The following CALU variants were observed in gnomAD, a reference collection of about 807,000 sequenced individuals.
CALU encodes calumenin.
CALU carries 13 observed loss-of-function variants against 37.5 expected under a neutral mutation model. The observed-to-expected ratio is 0.35, with a 90% CI of 0.23 to 0.55. The LOEUF (loss-of-function observed/expected upper bound fraction) is 0.55. Among genes scored for constraint, CALU ranks in the 20% least tolerant of loss-of-function variants. The pLI, the probability that CALU is intolerant of heterozygous loss-of-function variation, is 0.89. For missense variants in CALU, 282 were observed against 391.7 expected, an observed-to-expected ratio of 0.72 and a Z score of 2.36; for synonymous variants, 114 against 133.8, an observed-to-expected ratio of 0.85 and a Z score of 1.02.
chr7:128,764,198 C>T (rs1283246426), intron 5 of CALU, among the ~76,000 whole-genome samples: 1 of 152,028 alleles, frequency 6.6e-6, no homozygotes. Flanking sequence ...GAGGCTGAGG[C>T]AGGTGAATCA....
At chr7:128,756,079 C>A (rs1445842770) in intron 3 of CALU, among the ~76,000 whole-genome samples, 1 of 152,170 alleles carries the variant, frequency 6.6e-6, no homozygotes, top group Non-Finnish European at 1.5e-5. Context: ...TATCCTTCAC[C>A]CAATTAAGAA....
At chr7:128,759,357 A>G (rs1801011340) in intron 4 of CALU, among the ~76,000 whole-genome samples, 1 of 152,336 alleles carries the variant, frequency 6.6e-6, no homozygotes, top group Non-Finnish European at 1.5e-5. Context: ...CCCATGACCA[A>G]TAGTCAGACA....
chr7:128,761,818 G>A (rs1019652135), intron 5 of CALU, among the ~76,000 whole-genome samples: 2 of 152,176 alleles, frequency 1.3e-5, no homozygotes, highest in Non-Finnish European at 2.9e-5. Flanking sequence ...AAGCCTGAAA[G>A]GAAGACTTAA....
chr7:128,745,977 C>T (rs1268106617), intron 1 of CALU, among the ~76,000 whole-genome samples: 1 of 152,190 alleles, frequency 6.6e-6, no homozygotes, highest in Non-Finnish European at 1.5e-5. Context: ...TGTCTTTGCA[C>T]ACCATTTATG....
Position 128,771,858 on chromosome 7 carries a change from GA to G in CALU, c.*2693del, listed in dbSNP as rs1230004229. On this transcript the variant is annotated 3_prime_UTR_variant, in exon 7 of 7. Transcript: ENST00000249364. ...ATTAAAACATGCAAATTCATTTTGA[GA>G]ACCTCGAGAGAATTAAACTATTAAC... The G allele has an allele frequency of 2.0e-5, 3 of 152,302 alleles. No individual in the cohort carries two copies. Among genetic ancestry groups the G allele is most frequent in the Non-Finnish European group, 2.9e-5 (2 of 68,162 alleles). The allele number at this position is 152,302 out of a possible 1,614,324, so 9.4% of individuals were successfully genotyped here. A position where few individuals can be genotyped will look rare whatever the true frequency, so the allele number is the denominator to read the frequency against.
At chr7:128,741,082 T>C (rs945936371) in intron 1 of CALU, among the ~76,000 whole-genome samples, 1 of 152,142 alleles carries the variant, frequency 6.6e-6, no homozygotes, top group African/African-American at 2.4e-5. Context: ...ACCAGGGATA[T>C]TGAAAGGACA....
intron 1 of CALU, among the ~76,000 whole-genome samples, chr7:128,740,326 A>G (rs1800186033): frequency 6.6e-6 from 1 of 152,168 alleles, no homozygotes; most frequent in African/African-American, 2.4e-5. Context: ...AGTTGCGTTC[A>G]TTTTCTGGTG....
rs945414933 is a variant in CALU at position 128,773,317 on chromosome 7, G to A, written c.*4150G>A. Among the ~76,000 whole-genome samples the A allele has an allele frequency of 4.6e-5, 7 of 152,164 alleles. No individual in the cohort carries two copies. The highest frequency in any genetic ancestry group is 1.7e-4 in the African/African-American group (7 of 41,436). On this transcript the variant is annotated 3_prime_UTR_variant, in exon 7 of 7. Transcript: ENST00000249364. ...TTTATTTAAGTTCCAGGATACATGT[G>A]CAGGATGTGCAGGTTTGTTACATAG...
rs1801474024 is a variant in CALU at position 128,769,434 on chromosome 7, T to A, written c.*267T>A. ...TAACATGGCGTGTTTATTTTTGTAT[T>A]TTTCTCTGGTTGGGAGTATGATATG... is the stretch of plus-strand genomic sequence containing the variant. On this transcript the variant is annotated 3_prime_UTR_variant, in exon 7 of 7. Transcript: ENST00000249364. 8.9e-6 allele frequency: 2 copies of A among 223,958 alleles called. No individual in the cohort carries two copies. The highest frequency in any genetic ancestry group is 1.8e-5 in the Non-Finnish European group (2 of 112,824). 13.9% of individuals were successfully genotyped at this position (223,958 alleles called of 1,614,324 possible). A position where few individuals can be genotyped will look rare whatever the true frequency, so the allele number is the denominator to read the frequency against.
At chr7:128,754,852 A>G in intron 3 of CALU, 4 of 443,328 alleles carry the variant, frequency 9.0e-6, no homozygotes, top group Non-Finnish European at 1.6e-5. Flanking sequence ...CCCTTTATTA[A>G]TTTTAAATTT....
intron 3 of CALU, 84 bp downstream of exon 3, chr7:128,754,539 G>A: frequency 1.3e-6 from 2 of 1,568,048 alleles, no homozygotes; most frequent in Non-Finnish European, 1.7e-6. Flanking sequence ...AATGATTGTA[G>A]ATAAAATAGA....
intron 2 of CALU, among the ~76,000 whole-genome samples, chr7:128,750,220 C>CAAAAAAAA (rs398006225): frequency 3.1e-4 from 23 of 75,002 alleles, no homozygotes; most frequent in South Asian, 4.1e-4. Context: ...AGAGCCATCT[C>CAAAAAAAA]AAAAAAAAAA....
intron 1 of CALU, among the ~76,000 whole-genome samples, chr7:128,740,210 C>CTTTT (rs1215015136): frequency 6.6e-6 from 1 of 152,184 alleles, no homozygotes; most frequent in Non-Finnish European, 1.5e-5. Flanking sequence ...TCAAAAGCTG[C>CTTTT]TTTTGCATCA....
rs1801469296 is a variant in CALU, at chr7:128,769,344, T to A, written c.*177T>A. On this transcript the variant is annotated 3_prime_UTR_variant, in exon 7 of 7. Coordinates refer to ENST00000249364, the MANE Select transcript of CALU (RefSeq NM_001219.5). ...TCTCTGAGGGACTGGAGGGAAGCCG[T>A]GCTTCTGAGGAACAACTCTAATTAG... 1 of 506,462 alleles carries A rather than the reference T, an allele frequency of 2.0e-6. No homozygotes were observed. Among genetic ancestry groups the A allele is most frequent in the Non-Finnish European group, 3.5e-6 (1 of 283,512 alleles). The allele number at this position is 506,462 out of a possible 1,614,324, so 31.4% of individuals were successfully genotyped here.
Position 128,772,531 on chromosome 7 carries a change from A to G in CALU, c.*3364A>G. ...TTCTAGCTGTTGCAAACAGGCCAAT[A>G]TTGGGTCCTCAGTTGGGGCCAACTT... is the stretch of plus-strand genomic sequence containing the variant. On this transcript the variant is annotated 3_prime_UTR_variant, in exon 7 of 7. Coordinates refer to ENST00000249364, the MANE Select transcript of CALU (RefSeq NM_001219.5). 1 of 1,614,142 alleles carries G rather than the reference A, an allele frequency of 6.2e-7. No individual in the cohort carries two copies. Among genetic ancestry groups the G allele is most frequent in the Non-Finnish European group, 8.5e-7 (1 of 1,179,988 alleles).
rs1462400820 is a variant in CALU, at chr7:128,754,782, G to A, written c.415+327G>A. The A allele has an allele frequency of 1.9e-5, 19 of 1,007,814 alleles. No individual in the cohort carries two copies. In the East Asian group the frequency reaches 4.5e-4, roughly 24 times the overall value. The allele number at this position is 1,007,814 out of a possible 1,614,324, so 62.4% of individuals were successfully genotyped here. A position where few individuals can be genotyped will look rare whatever the true frequency, so the allele number is the denominator to read the frequency against. On this transcript the variant is annotated intron_variant, in intron 3 of 6. Coordinates refer to ENST00000249364, the MANE Select transcript of CALU (RefSeq NM_001219.5). ...GGTCTTGAGTCAAAGAAACAAATGG[G>A]TCACACAGTAAAGGAAAGGAAGCTT... is the stretch of plus-strand genomic sequence containing the variant.
chr7:128,760,366 C>T (rs1801061559), intron 5 of CALU, among the ~76,000 whole-genome samples: 1 of 151,848 alleles, frequency 6.6e-6, no homozygotes, highest in Admixed American at 6.6e-5. Flanking sequence ...AATGTGAGCC[C>T]CATATGTAAT....
Position 128,759,049 on chromosome 7 carries a change from G to A in CALU, c.582+12G>A. 6.2e-7 allele frequency: 1 copy of A among 1,603,226 alleles called. No individual in the cohort carries two copies. The highest frequency in any genetic ancestry group is 1.1e-5 in the South Asian group (1 of 89,240). ...ATATAGTAGTACAGGTGGGTGAGAT[G>A]AAGGATTCTGAACAGGGACTCAGTT... On this transcript the variant is annotated intron_variant, in intron 4 of 6. Coordinates refer to ENST00000249364, the MANE Select transcript of CALU (RefSeq NM_001219.5).
At position 128,768,720 on chromosome 7, in the gene CALU, C is replaced by G. The variant is rs144698932; in HGVS notation, c.844-343C>G. Among the ~76,000 whole-genome samples the G allele has an allele frequency of 8.9e-3, 1,355 of 152,088 alleles. 11 individuals are homozygous for G. Among genetic ancestry groups the G allele is most frequent in the Non-Finnish European group, 0.014 (956 of 67,992 alleles). On this transcript the variant is annotated intron_variant, in intron 6 of 6. Coordinates refer to ENST00000249364, the MANE Select transcript of CALU (RefSeq NM_001219.5). ...GGGCGTGGTGGCGCATGCCTGTAAT[C>G]CCAGCTACTCGGGAGGCTGAGGCAG...
Sources: allele counts gnomAD v4.1 joint callset (sites outside exome capture counted in the v4.1 genomes callset), GRCh38; gene constraint gnomAD v4.1.1; transcripts MANE v1.5; gene names NCBI Gene and HGNC (gene_info 2026-07-23, HGNC 2026-07-21).